The following CALN1 variants were observed in gnomAD, a reference collection of about 807,000 sequenced individuals.
CALN1 encodes calcium-binding protein 8.
Under a neutral mutation model 30.6 loss-of-function variants are expected in CALN1, and 17 were observed. The ratio of observed to expected loss-of-function variants is 0.56; its 90% CI spans 0.38 to 0.83. CALN1 has a LOEUF of 0.83. CALN1 is among the 40% of genes least tolerant of loss of function. CALN1 has a pLI of 0.00. For synonymous variants in CALN1, 156 were observed against 131.4 expected, an observed-to-expected ratio of 1.19 and a Z score of -1.28; for missense variants, 291 against 354.9, an observed-to-expected ratio of 0.82 and a Z score of 1.45.
At chr7:71,803,967 TGTG>T (rs1363195885) in intron 6 of CALN1, among the ~76,000 whole-genome samples, 1 of 151,940 alleles carries the variant, frequency 6.6e-6, no homozygotes, top group African/African-American at 2.4e-5. Flanking sequence ...TGTGTGTGTG[TGTG>T]TGCGTGCATG....
chr7:72,012,054 A>T (rs1474715478), intron 5 of CALN1, among the ~76,000 whole-genome samples: 1 of 152,090 alleles, frequency 6.6e-6, no homozygotes, highest in Non-Finnish European at 1.5e-5. Context: ...TTTTAAATAT[A>T]ATTTGGGAAG....
chr7:71,986,635 C>T (rs897710415), intron 5 of CALN1, among the ~76,000 whole-genome samples: 1 of 151,906 alleles, frequency 6.6e-6, no homozygotes, highest in Admixed American at 6.6e-5. Context: ...CCAATGTGGC[C>T]CAGTGGGAAA....
At chr7:72,309,590 T>G (rs1799898947) in intron 2 of CALN1, among the ~76,000 whole-genome samples, 1 of 151,980 alleles carries the variant, frequency 6.6e-6, no homozygotes, top group Non-Finnish European at 1.5e-5. Context: ...CAAGAGCCCT[T>G]GGCGGAGGGC....
At chr7:72,326,800 G>A (rs1425970020) in intron 2 of CALN1, among the ~76,000 whole-genome samples, 1 of 152,146 alleles carries the variant, frequency 6.6e-6, no homozygotes, top group Non-Finnish European at 1.5e-5. Context: ...CTGAGTGTAG[G>A]GGAAAGGGCT....
chr7:71,995,990 T>A (rs1359431502), intron 5 of CALN1, among the ~76,000 whole-genome samples: 2 of 152,036 alleles, frequency 1.3e-5, no homozygotes, highest in Non-Finnish European at 2.9e-5. Flanking sequence ...CATCTTTGCC[T>A]AAGAAAATCT....
rs2115770094 is a variant in CALN1 at position 71,783,302 on chromosome 7, T to A, written c.*4473A>T. On this transcript the variant is annotated 3_prime_UTR_variant, in exon 7 of 7. Coordinates refer to ENST00000395275, the MANE Select transcript of CALN1 (RefSeq NM_031468.4). The stretch of plus-strand genomic sequence containing the variant: ...GACGTGCTGAAGTCTAAAAGTTTCA[T>A]CTCAGTTCATCTGTACCATCACGGT... The A allele has an allele frequency of 6.6e-6, 1 of 152,270 alleles. No individual in the cohort carries two copies. Among genetic ancestry groups the A allele is most frequent in the South Asian group, 2.1e-4 (1 of 4,818 alleles). 9.4% of individuals were successfully genotyped at this position (152,270 alleles called of 1,614,324 possible).
intron 2 of CALN1, among the ~76,000 whole-genome samples, chr7:72,354,259 G>A (rs905228477): frequency 6.6e-6 from 1 of 152,102 alleles, no homozygotes. Flanking sequence ...ATAAGTGTAA[G>A]TTCTGTATAC....
intron 3 of CALN1, among the ~76,000 whole-genome samples, chr7:72,224,427 T>C (rs1441979421): frequency 6.6e-6 from 1 of 152,146 alleles, no homozygotes; most frequent in African/African-American, 2.4e-5. Context: ...CTTTTAATGC[T>C]GTTACTCATG....
intron 4 of CALN1, among the ~76,000 whole-genome samples, chr7:72,045,854 G>T (rs1464687019): frequency 6.6e-6 from 1 of 151,930 alleles, no homozygotes; most frequent in African/African-American, 2.4e-5. Context: ...ACAAAAATTA[G>T]CTGGGTGTGG....
chr7:71,866,867 G>T (rs1160501588), intron 5 of CALN1, among the ~76,000 whole-genome samples: 1 of 152,182 alleles, frequency 6.6e-6, no homozygotes, highest in African/African-American at 2.4e-5. Flanking sequence ...AGGGCAGGCC[G>T]AGTGTGGTGG....
At chr7:72,481,380 C>T in the CALN1 span, among the ~76,000 whole-genome samples, 128 of 152,340 alleles carry the variant, frequency 8.4e-4, no homozygotes, top group African/African-American at 3.0e-3. Flanking sequence ...TGAGCCACCA[C>T]GCCCAGCTGA....
chr7:72,420,364 T>C (rs1807565496), intron 1 of CALN1, among the ~76,000 whole-genome samples: 1 of 151,980 alleles, frequency 6.6e-6, no homozygotes, highest in Non-Finnish European at 1.5e-5. Flanking sequence ...CACTTCCTCT[T>C]GCAACCCCAA....
At chr7:72,419,160 C>T (rs753685663) in intron 1 of CALN1, among the ~76,000 whole-genome samples, 17 of 152,174 alleles carry the variant, frequency 1.1e-4, no homozygotes, top group Non-Finnish European at 1.8e-4. Context: ...GCCCTGCTGA[C>T]GACGCCCTGC....
chr7:72,056,365 A>G, intron 4 of CALN1, among the ~76,000 whole-genome samples: 1 of 152,188 alleles, frequency 6.6e-6, no homozygotes, highest in Non-Finnish European at 1.5e-5. Flanking sequence ...AGTAGGAGAT[A>G]AACAAAACAG....
At chr7:72,485,452 A>G in the CALN1 span, among the ~76,000 whole-genome samples, 21 of 152,194 alleles carry the variant, frequency 1.4e-4, no homozygotes, top group Admixed American at 1.4e-3. Flanking sequence ...TAATTTAATC[A>G]TTTTTTAAAT....
chr7:72,305,115 A>G (rs1799561817), intron 2 of CALN1, among the ~76,000 whole-genome samples: 3 of 152,136 alleles, frequency 2.0e-5, no homozygotes, highest in Non-Finnish European at 4.4e-5. Flanking sequence ...GGCCCGTGTT[A>G]ACAGCTGGCT....
At chr7:72,328,630 G>A (rs1801447380) in intron 2 of CALN1, among the ~76,000 whole-genome samples, 1 of 152,212 alleles carries the variant, frequency 6.6e-6, no homozygotes, top group Non-Finnish European at 1.5e-5. Flanking sequence ...AGATGGTAGG[G>A]GAAAGTGTTT....
At chr7:71,793,892 T>C (rs1034161117) in intron 6 of CALN1, among the ~76,000 whole-genome samples, 1 of 151,894 alleles carries the variant, frequency 6.6e-6, no homozygotes, top group African/African-American at 2.4e-5. Flanking sequence ...AAGAAACACA[T>C]ACAAAAAAGA....
chr7:72,362,836 T>C (rs1803649607), intron 2 of CALN1, among the ~76,000 whole-genome samples: 1 of 152,218 alleles, frequency 6.6e-6, no homozygotes, highest in Non-Finnish European at 1.5e-5. Context: ...ATCCATTTCC[T>C]GGTGTCTGCC....
Sources: gnomAD v4.1 joint callset for allele counts (sites outside exome capture counted in the v4.1 genomes callset) on GRCh38, gnomAD v4.1.1 for gene constraint, MANE v1.5 for transcripts, NCBI Gene and HGNC (gene_info 2026-07-23, HGNC 2026-07-21) for gene names.